The following CUEDC1 variants were observed in gnomAD, a reference collection of about 807,000 sequenced individuals.
CUEDC1 encodes the protein CUE domain-containing protein 1.
In CUEDC1, 30 loss-of-function variants were observed where a neutral mutation model predicts 43.7. That is an observed-to-expected ratio of 0.69 (90% CI 0.51 to 0.93). CUEDC1 has a LOEUF of 0.93. Among genes scored for constraint, CUEDC1 ranks in the 40% least tolerant of loss-of-function variants. The probability of loss-of-function intolerance (pLI) is 0.00; values close to 1 mark genes in which losing one functional copy is unlikely to be tolerated. For missense variants in CUEDC1, 486 were observed against 549.0 expected (o/e 0.89, Z 1.15); for synonymous variants, 223 against 223.6 (o/e 1.00, Z 0.02).
chr17:57,915,713 AG>A (rs1023356440), intron 1 of CUEDC1, among the ~76,000 whole-genome samples: 16 of 152,152 alleles, frequency 1.1e-4, no homozygotes, highest in African/African-American at 3.6e-4. Flanking sequence ...GACTTAAGGC[AG>A]GGTTGCTGCT....
chr17:57,912,334 A>G (rs1230483010), intron 1 of CUEDC1: 1 of 152,272 alleles, frequency 6.6e-6, no homozygotes, highest in Non-Finnish European at 1.5e-5. Context: ...TTAGGAGAAC[A>G]GATGTTCGGG....
intron 1 of CUEDC1, among the ~76,000 whole-genome samples, chr17:57,953,957 C>A (rs534912888): frequency 1.3e-5 from 2 of 152,282 alleles, no homozygotes; most frequent in East Asian, 1.9e-4. Context: ...AGAGATGGCA[C>A]CATATTCAAA....
chr17:57,910,607 A>T (rs2074572509), intron 1 of CUEDC1, among the ~76,000 whole-genome samples: 1 of 152,028 alleles, frequency 6.6e-6, no homozygotes, highest in Admixed American at 6.5e-5. Flanking sequence ...TAAAAAAAGA[A>T]AAGAAAGGAA....
chr17:57,866,433 G>C (rs1568025181), intron 10 of CUEDC1, 41 bp downstream of exon 10: 3 of 1,595,320 alleles, frequency 1.9e-6, no homozygotes, highest in Non-Finnish European at 2.6e-6. Context: ...GGGGGCCCTG[G>C]CCTTGGGCAG....
rs1406507075 is a variant in CUEDC1 at position 57,869,157 on chromosome 17, GCATCTTCAGA to G, written c.895_904del (p.Ser299ProfsTer7). 6.2e-7 allele frequency: 1 copy of G among 1,613,988 alleles called. No homozygotes were observed. Among genetic ancestry groups the G allele is most frequent in the Non-Finnish European group, 8.5e-7 (1 of 1,180,018 alleles). ...GTGTTTCAGCTTGTCCCTGAATAAG[GCATCTTCAGA>G]CACAGCGGGGTTGGCGTCGCCAGTT... is the stretch of plus-strand genomic sequence containing the variant. On this transcript the variant is annotated frameshift_variant, in exon 7 of 11. Coordinates refer to ENST00000577830, the MANE Select transcript of CUEDC1 (RefSeq NM_001271875.2). LOFTEE classifies it high-confidence loss of function.
intron 1 of CUEDC1, among the ~76,000 whole-genome samples, chr17:57,906,074 C>T (rs1224642575): frequency 6.6e-6 from 1 of 152,170 alleles, no homozygotes; most frequent in Non-Finnish European, 1.5e-5. Flanking sequence ...ACAGAATTAC[C>T]ATATGCTCCA....
intron 1 of CUEDC1, among the ~76,000 whole-genome samples, chr17:57,912,695 C>A (rs1267135354): frequency 6.6e-6 from 1 of 152,112 alleles, no homozygotes; most frequent in African/African-American, 2.4e-5. Context: ...AATAATAACG[C>A]CACTGTGTAA....
At chr17:57,873,088 C>A (rs903140262) in intron 4 of CUEDC1, among the ~76,000 whole-genome samples, 17 of 152,210 alleles carry the variant, frequency 1.1e-4, no homozygotes, top group African/African-American at 7.2e-5. Context: ...ACGCCACAGA[C>A]CACCTCATAC....
chr17:57,949,113 C>T (rs1694868337), intron 1 of CUEDC1, among the ~76,000 whole-genome samples: 1 of 152,184 alleles, frequency 6.6e-6, no homozygotes, highest in Non-Finnish European at 1.5e-5. Context: ...GCTCCCATGC[C>T]AGATCAAAAG....
chr17:57,946,782 C>T (rs1355005117), intron 1 of CUEDC1, among the ~76,000 whole-genome samples: 1 of 152,144 alleles, frequency 6.6e-6, no homozygotes, highest in Non-Finnish European at 1.5e-5. Flanking sequence ...TTGTCCTTTG[C>T]ACATCTGATA....
chr17:57,908,774 G>A (rs2074553691), intron 1 of CUEDC1, among the ~76,000 whole-genome samples: 1 of 152,168 alleles, frequency 6.6e-6, no homozygotes, highest in Non-Finnish European at 1.5e-5. Flanking sequence ...GAGGCAGGTG[G>A]ATCACAAGGT....
Position 57,913,545 on chromosome 17 carries a change from C to T in CUEDC1, c.-315-27666G>A, listed in dbSNP as rs140137717. On this transcript the variant is annotated intron_variant, in intron 1 of 10. Transcript: ENST00000577830. ...TTCCTGAGGTGCACCCAAACCCCATCCCCAAGATCCCAAGTAAGTCAAAGA... is the reference window on the plus strand; with the variant it reads ...TTCCTGAGGTGCACCCAAACCCCATTCCCAAGATCCCAAGTAAGTCAAAGA... 1.4e-3 allele frequency among the ~76,000 whole-genome samples: 206 copies of T among 152,222 alleles called. 2 individuals carry two copies. Among genetic ancestry groups the T allele is most frequent in the Admixed American group, 0.01 (160 of 15,292 alleles).
intron 1 of CUEDC1, among the ~76,000 whole-genome samples, chr17:57,929,765 A>C (rs2074785611): frequency 6.6e-6 from 1 of 152,036 alleles, no homozygotes; most frequent in Non-Finnish European, 1.5e-5. Flanking sequence ...GCAGCATCCA[A>C]AGTCTTCTAG....
chr17:57,885,490 T>TC lies in CUEDC1; in HGVS notation c.74dup (p.Gly26ArgfsTer75). 1.3e-6 allele frequency: 2 copies of TC among 1,538,654 alleles called. No homozygotes were observed. Among genetic ancestry groups the TC allele is most frequent in the South Asian group, 1.2e-5 (1 of 82,544 alleles). Reference sequence around the variant, plus strand: ...TGAGCTCCTGGGGGGCGGCCGTGCCTCCCCCGCCCCCGCGTGCCCCGGCGG... The same window carrying TC: ...TGAGCTCCTGGGGGGCGGCCGTGCCTCCCCCCGCCCCCGCGTGCCCCGGCGG... On this transcript the variant is annotated frameshift_variant, in exon 2 of 11. Coordinates refer to ENST00000577830, the MANE Select transcript of CUEDC1 (RefSeq NM_001271875.2). LOFTEE classifies it high-confidence loss of function.
In CUEDC1 at chr17:57,897,556, G is replaced by C. The variant is rs1223447644; in HGVS notation, c.-315-11677C>G. 2.6e-5 allele frequency among the ~76,000 whole-genome samples: 4 copies of C among 151,340 alleles called. No individual in the cohort carries two copies. In the South Asian group the frequency reaches 6.3e-4, roughly 24 times the overall value. ...GTGGTGGCAGGCACCTGTAGTCCCA[G>C]CTACTCGTGAGGCTGAGGCAGGAGA... On this transcript the variant is annotated intron_variant, in intron 1 of 10. Coordinates refer to ENST00000577830, the MANE Select transcript of CUEDC1 (RefSeq NM_001271875.2).
At chr17:57,903,910 T>G (rs1283268712) in intron 1 of CUEDC1, among the ~76,000 whole-genome samples, 14 of 149,132 alleles carry the variant, frequency 9.4e-5, no homozygotes, top group Non-Finnish European at 1.6e-4. Flanking sequence ...CACTCCAGCC[T>G]GGGTGACAGA....
At chr17:57,922,070 G>A (rs1011774839) in intron 1 of CUEDC1, among the ~76,000 whole-genome samples, 2 of 152,202 alleles carry the variant, frequency 1.3e-5, no homozygotes, top group Admixed American at 6.5e-5. Flanking sequence ...CCAAGATCAC[G>A]CCACTGCACT....
At chr17:57,896,760 CTTCT>C (rs1568041739) in intron 1 of CUEDC1, among the ~76,000 whole-genome samples, 1 of 141,368 alleles carries the variant, frequency 7.1e-6, no homozygotes, top group Non-Finnish European at 1.5e-5. Context: ...ATATCTTTTT[CTTCT>C]TTCTTTTTTT....
At chr17:57,869,235 C>A (rs778020217) in intron 6 of CUEDC1, 42 bp from the exon 7 acceptor site, 2 of 1,571,390 alleles carry the variant, frequency 1.3e-6, no homozygotes, top group Non-Finnish European at 1.7e-6. Flanking sequence ...CCGTGGCCAG[C>A]CATGGCCGCT....
Sources: allele counts gnomAD v4.1 joint callset (sites outside exome capture counted in the v4.1 genomes callset), GRCh38; gene constraint gnomAD v4.1.1; transcripts MANE v1.5; gene names NCBI Gene and HGNC (gene_info 2026-07-23, HGNC 2026-07-21).